ADAM18: variants seen among roughly 807,000 people sequenced by gnomAD.
ADAM18 encodes disintegrin and metalloproteinase domain-containing protein 18.
A neutral mutation model predicts 94.4 loss-of-function variants in ADAM18; 117 were observed. The ratio of observed to expected loss-of-function variants is 1.24; its 90% confidence interval spans 1.07 to 1.45. The LOEUF is 1.45. ADAM18 is among the 40% of genes most tolerant of loss of function. ADAM18 has a pLI of 0.00. For synonymous variants in ADAM18, 327 were observed against 291.6 expected (o/e 1.12, Z -1.24); for missense variants, 936 against 880.0 (o/e 1.06, Z -0.81).
At chr8:39,638,588 C>T in intron 10 of ADAM18, 42 bp downstream of exon 10, 1 of 1,231,230 alleles carries the variant, frequency 8.1e-7, no homozygotes, top group Non-Finnish European at 1.1e-6. Flanking sequence ...ATTTTTAGGC[C>T]TTATATTATA....
chr8:39,642,415 C>T (rs987096219), intron 10 of ADAM18, among the ~76,000 whole-genome samples: 6 of 151,932 alleles, frequency 3.9e-5, no homozygotes, highest in Non-Finnish European at 4.4e-5. Flanking sequence ...GTCTTTAATC[C>T]ATCTTGAGTT....
chr8:39,671,295 A>G (rs897839280), intron 14 of ADAM18, among the ~76,000 whole-genome samples: 1 of 152,242 alleles, frequency 6.6e-6, no homozygotes, highest in Non-Finnish European at 1.5e-5. Flanking sequence ...GAGAGAATAC[A>G]TTAGCTGGTA....
Position 39,725,032 on chromosome 8 carries a change from G to T in ADAM18, c.2177+1125G>T, listed in dbSNP as rs184700896. 2.3e-3 allele frequency among the ~76,000 whole-genome samples: 343 copies of T among 151,870 alleles called. 2 individuals are homozygous for T. Among genetic ancestry groups the T allele is most frequent in the African/African-American group, 7.7e-3 (319 of 41,450 alleles). ...TGTTCCAAATACACTTGAATAGAAGGTGTATTTACTATTGTGAATACCCAC... is the reference window on the plus strand; with the variant it reads ...TGTTCCAAATACACTTGAATAGAAGTTGTATTTACTATTGTGAATACCCAC... On this transcript the variant is annotated intron_variant, in intron 19 of 19. Transcript: ENST00000265707.
Position 39,678,275 on chromosome 8 carries a change from C to A in ADAM18, c.1631+739C>A, listed in dbSNP as rs576265478. Among the ~76,000 whole-genome samples the A allele has an allele frequency of 2.0e-4, 30 of 152,236 alleles. No homozygotes were observed. The South Asian group carries it at 5.8e-3, about 29-fold the overall frequency. On this transcript the variant is annotated intron_variant, in intron 15 of 19. Transcript: ENST00000265707. ...AACCATAAAATCCTCAGGTAAGCAC[C>A]ACTATCAGTATTGTTCAAAGCAATA...
chr8:39,624,762 T>C (rs1338869083), intron 6 of ADAM18, among the ~76,000 whole-genome samples: 1 of 152,164 alleles, frequency 6.6e-6, no homozygotes, highest in Admixed American at 6.5e-5. Flanking sequence ...GGTAGAGTTC[T>C]CAGGAGATCT....
At chr8:39,705,950 T>C (rs1822228821) in intron 17 of ADAM18, among the ~76,000 whole-genome samples, 1 of 152,108 alleles carries the variant, frequency 6.6e-6, no homozygotes, top group Non-Finnish European at 1.5e-5. Flanking sequence ...TGTGTGTTTG[T>C]GGATGTGAGT....
chr8:39,617,485 G>A (rs1394208489), intron 6 of ADAM18, among the ~76,000 whole-genome samples: 1 of 152,008 alleles, frequency 6.6e-6, no homozygotes, highest in African/African-American at 2.4e-5. Context: ...CTCCATTATT[G>A]GGTATATACC....
At chr8:39,670,693 C>T (rs9650318) in intron 14 of ADAM18, among the ~76,000 whole-genome samples, 12,581 of 152,218 alleles carry the variant, frequency 0.083, 706 homozygotes, top group Non-Finnish European at 0.12. Context: ...AATATAAAAC[C>T]TATAGCTGTG....
chr8:39,688,799 A>C (rs988985799), intron 16 of ADAM18, among the ~76,000 whole-genome samples: 1 of 152,214 alleles, frequency 6.6e-6, no homozygotes, highest in Non-Finnish European at 1.5e-5. Context: ...TGTCTTCCAC[A>C]ATGATTGAAC....
rs1256866035 is a variant in ADAM18 at position 39,624,974 on chromosome 8, TC to T, written c.523-4399del. Among the ~76,000 whole-genome samples, 4 of 152,340 alleles carry T rather than the reference TC, an allele frequency of 2.6e-5. No individual in the cohort carries two copies. In the East Asian group the frequency reaches 7.7e-4, roughly 29 times the overall value. On this transcript the variant is annotated intron_variant, in intron 6 of 19. Coordinates refer to ENST00000265707, the MANE Select transcript of ADAM18 (RefSeq NM_014237.3). ...TTATAAATCATCCAGTCTCAGGTAT[TC>T]TTTTATAGCAGTGCAAGAATGGACT...
chr8:39,715,229 A>T lies in ADAM18; in HGVS notation c.2017+8325A>T, dbSNP rs565227325. ...TAAGCAACAAATTCACAAATAACAC[A>T]TGGGTTAAAGTAGTCTCAAGAGAAA... On this transcript the variant is annotated intron_variant, in intron 18 of 19. Transcript: ENST00000265707. 2.0e-4 allele frequency among the ~76,000 whole-genome samples: 30 copies of T among 152,130 alleles called. 1 individual carries two copies. The highest frequency in any genetic ancestry group is 6.7e-4 in the African/African-American group (28 of 41,530).
chr8:39,721,722 G>C (rs191344480), intron 18 of ADAM18, among the ~76,000 whole-genome samples: 2 of 151,044 alleles, frequency 1.3e-5, no homozygotes, highest in Admixed American at 1.3e-4. Flanking sequence ...TATGTTATCA[G>C]GATGGTTAGT....
At chr8:39,668,821 A>G (rs1353589535) in intron 14 of ADAM18, among the ~76,000 whole-genome samples, 2 of 152,152 alleles carry the variant, frequency 1.3e-5, no homozygotes, top group East Asian at 1.9e-4. Flanking sequence ...GCATATATAT[A>G]TAATTATTTT....
At position 39,637,617 on chromosome 8, in the gene ADAM18, G is replaced by A. The variant is rs768810673; in HGVS notation, c.741G>A (p.Gly247=). Reference sequence around the variant, plus strand: ...ATGAAAACCAGATTTCCACCAGTGGGGATGCTGATGATATATTACAAAGAT... The same window carrying A: ...ATGAAAACCAGATTTCCACCAGTGGAGATGCTGATGATATATTACAAAGAT... ...WSNENQISTS[G]DADDILQRFL... is the part of the protein sequence containing the mutation. Residue 247 remains glycine (G), a synonymous_variant, in exon 9 of 20, where the codon GGG becomes GGA. Transcript: ENST00000265707. The A allele has an allele frequency of 2.5e-5, 41 of 1,612,758 alleles. No homozygotes were observed. Among genetic ancestry groups the A allele is most frequent in the Non-Finnish European group, 3.2e-5 (38 of 1,179,258 alleles).
intron 11 of ADAM18, among the ~76,000 whole-genome samples, chr8:39,648,088 A>G (rs1030271558): frequency 6.6e-6 from 1 of 152,228 alleles, no homozygotes; most frequent in African/African-American, 2.4e-5. Context: ...ATGTAAATGC[A>G]TAGATATAGA....
chr8:39,586,663 G>A lies in ADAM18; in HGVS notation c.132+1311G>A, dbSNP rs1366748117. ...TACCCCTTGAGCCCAGCGGTTGGAGGCTGCAGTCAGCTGTGATTGTGTCAC... is the reference window on the plus strand; with the variant it reads ...TACCCCTTGAGCCCAGCGGTTGGAGACTGCAGTCAGCTGTGATTGTGTCAC... On this transcript the variant is annotated intron_variant, in intron 2 of 19. Transcript: ENST00000265707. Among the ~76,000 whole-genome samples the A allele has an allele frequency of 3.4e-4, 52 of 152,118 alleles. 1 individual carries two copies. Among genetic ancestry groups the A allele is most frequent in the Admixed American group, 3.4e-3 (52 of 15,266 alleles).
At chr8:39,705,862 C>G (rs1474879383) in intron 17 of ADAM18, among the ~76,000 whole-genome samples, 1 of 152,018 alleles carries the variant, frequency 6.6e-6, no homozygotes, top group African/African-American at 2.4e-5. Flanking sequence ...CCTGTGATGT[C>G]TTTATACATA....
intron 2 of ADAM18, among the ~76,000 whole-genome samples, chr8:39,600,663 A>G (rs1331143183): frequency 1.3e-5 from 2 of 152,218 alleles, no homozygotes; most frequent in Non-Finnish European, 2.9e-5. Context: ...GAGCCTTAAT[A>G]AGACTGAATG....
intron 6 of ADAM18, among the ~76,000 whole-genome samples, chr8:39,620,969 A>G (rs1338115480): frequency 6.6e-6 from 1 of 152,032 alleles, no homozygotes; most frequent in Non-Finnish European, 1.5e-5. Context: ...CCACTACACA[A>G]TCTATGCATA....
Sources: gnomAD v4.1 joint callset for allele counts (sites outside exome capture counted in the v4.1 genomes callset) on GRCh38, gnomAD v4.1.1 for gene constraint, MANE v1.5 for transcripts, NCBI Gene and HGNC (gene_info 2026-07-23, HGNC 2026-07-21) for gene names.